Variants in PRELID2 observed in about 807,000 individuals in gnomAD.
PRELID2 encodes the protein PRELI domain-containing protein 2.
PRELID2 carries 25 observed loss-of-function variants against 28.4 expected under a neutral mutation model. The observed-to-expected ratio is 0.88, with a 90% CI of 0.64 to 1.23. The LOEUF is 1.23. Among genes scored for constraint, PRELID2 ranks in the 50% most tolerant of loss-of-function variants. The pLI is 0.00. For missense variants in PRELID2, 201 were observed against 214.4 expected (o/e 0.94, Z 0.39); for synonymous variants, 76 against 71.6 (o/e 1.06, Z -0.31).
intron 1 of PRELID2, among the ~76,000 whole-genome samples, chr5:145,695,816 C>T (rs369254145): frequency 6.6e-6 from 1 of 152,208 alleles, no homozygotes; most frequent in African/African-American, 2.4e-5. Flanking sequence ...TGTTTTATAA[C>T]GTAGCCTCAG....
chr5:145,811,819 G>GA (rs1449137549), intron 4 of PRELID2, among the ~76,000 whole-genome samples: 1 of 152,184 alleles, frequency 6.6e-6, no homozygotes, highest in Non-Finnish European at 1.5e-5. Flanking sequence ...CACTGGTACA[G>GA]AAATATCCCT....
chr5:145,374,639 T>G, the PRELID2 span, among the ~76,000 whole-genome samples: 1 of 151,864 alleles, frequency 6.6e-6, no homozygotes, highest in Admixed American at 6.6e-5. Flanking sequence ...GCTTTGGTCT[T>G]TTTATGAAGT....
the PRELID2 span, among the ~76,000 whole-genome samples, chr5:145,257,501 T>C: frequency 6.6e-6 from 1 of 151,994 alleles, no homozygotes; most frequent in Non-Finnish European, 1.5e-5. Context: ...AATCCACATA[T>C]AAACAAATAA....
intron 1 of PRELID2, among the ~76,000 whole-genome samples, chr5:145,715,793 T>C (rs1755826780): frequency 1.3e-5 from 2 of 152,338 alleles, no homozygotes; most frequent in East Asian, 1.9e-4. Context: ...TTAGGCCCAG[T>C]AGATAAACTG....
chr5:145,381,420 AC>A, the PRELID2 span, among the ~76,000 whole-genome samples: 1 of 152,304 alleles, frequency 6.6e-6, no homozygotes, highest in South Asian at 2.1e-4. Context: ...TTTTGTTATT[AC>A]TTTTAATGGC....
intron 1 of PRELID2, among the ~76,000 whole-genome samples, chr5:145,561,534 C>T (rs1473823706): frequency 2.0e-5 from 3 of 152,262 alleles, no homozygotes; most frequent in East Asian, 1.9e-4. Context: ...ATTAACAGTA[C>T]TAGGTGCCAG....
the PRELID2 span, among the ~76,000 whole-genome samples, chr5:145,370,865 TCTC>T: frequency 6.6e-6 from 1 of 152,104 alleles, no homozygotes; most frequent in African/African-American, 2.4e-5. Context: ...GGTATTTTAT[TCTC>T]TTTGTAGCAA....
At chr5:145,271,442 C>T in the PRELID2 span, among the ~76,000 whole-genome samples, 1 of 152,046 alleles carries the variant, frequency 6.6e-6, no homozygotes, top group Non-Finnish European at 1.5e-5. Flanking sequence ...TTTCAAACTC[C>T]TAGGCTCAAG....
chr5:145,368,705 A>AT, the PRELID2 span, among the ~76,000 whole-genome samples: 1 of 151,882 alleles, frequency 6.6e-6, no homozygotes, highest in East Asian at 1.9e-4. Context: ...CCCATAACAG[A>AT]TTTTTATTTC....
chr5:145,531,519 T>A (rs1238577656), intron 1 of PRELID2, among the ~76,000 whole-genome samples: 1 of 152,160 alleles, frequency 6.6e-6, no homozygotes. Flanking sequence ...CGTCTCACCC[T>A]TCACTGAAAG....
At chr5:145,728,328 A>G (rs1025223842) in intron 1 of PRELID2, 9 of 335,856 alleles carry the variant, frequency 2.7e-5, no homozygotes, top group Non-Finnish European at 5.2e-5. Context: ...ATCTATCTCT[A>G]TTTATCTCTA....
At chr5:145,427,410 T>A in the PRELID2 span, among the ~76,000 whole-genome samples, 62,787 of 152,006 alleles carry the variant, frequency 0.41, 13,304 homozygotes, top group Admixed American at 0.49. Context: ...AGCCTTAATA[T>A]TTTTTTTATT....
intron 4 of PRELID2, among the ~76,000 whole-genome samples, chr5:145,799,148 A>G (rs1456910301): frequency 6.6e-6 from 1 of 151,258 alleles, no homozygotes; most frequent in Non-Finnish European, 1.5e-5. Context: ...TTAAGCTCCT[A>G]TAAGATTTTC....
At chr5:145,425,494 T>C in the PRELID2 span, among the ~76,000 whole-genome samples, 299 of 152,260 alleles carry the variant, frequency 2.0e-3, 1 homozygote, top group African/African-American at 6.8e-3. Flanking sequence ...AGCAAAAACA[T>C]AGAATCGATC....
intron 5 of PRELID2, among the ~76,000 whole-genome samples, chr5:145,775,869 G>A (rs1271065938): frequency 6.6e-6 from 1 of 152,150 alleles, no homozygotes; most frequent in Non-Finnish European, 1.5e-5. Context: ...TTTAGGAAGT[G>A]ACGTTTGTGT....
intron 1 of PRELID2, among the ~76,000 whole-genome samples, chr5:145,483,537 G>A (rs540605939): frequency 2.6e-5 from 4 of 152,278 alleles, no homozygotes; most frequent in Middle Eastern, 3.4e-3. Context: ...AATAAATTCT[G>A]CTTTTATCTG....
intron 5 of PRELID2, among the ~76,000 whole-genome samples, chr5:145,782,019 C>T (rs549660933): frequency 2.0e-5 from 3 of 151,960 alleles, no homozygotes; most frequent in African/African-American, 4.8e-5. Context: ...TCCAGCACAG[C>T]GGAGAGAACA....
the PRELID2 span, among the ~76,000 whole-genome samples, chr5:145,427,571 C>G: frequency 6.6e-6 from 1 of 152,116 alleles, no homozygotes; most frequent in Admixed American, 6.6e-5. Context: ...TAGTCAGGTG[C>G]CAGGAGGTAT....
At chr5:145,635,993 T>C (rs1334237353) in intron 1 of PRELID2, among the ~76,000 whole-genome samples, 1 of 152,186 alleles carries the variant, frequency 6.6e-6, no homozygotes, top group Non-Finnish European at 1.5e-5. Flanking sequence ...GTGGACTCTT[T>C]GCAGGGAAAG....
Sources: gnomAD v4.1 joint callset for allele counts (sites outside exome capture counted in the v4.1 genomes callset) on GRCh38, gnomAD v4.1.1 for gene constraint, MANE v1.5 for transcripts, NCBI Gene and HGNC (gene_info 2026-07-23, HGNC 2026-07-21) for gene names.